Variants in ANO1 observed in about 807,000 individuals in gnomAD.
ANO1 encodes anoctamin 1.
Under a neutral mutation model 124.0 loss-of-function variants are expected in ANO1, and 59 were observed. The ratio of observed to expected loss-of-function variants is 0.48; its 90% CI spans 0.39 to 0.59. The LOEUF is 0.59. Ranked by LOEUF, ANO1 falls within the 20% of genes least tolerant of loss-of-function variation. ANO1 has a pLI of 0.00. For missense variants in ANO1, 1,059 were observed against 1,328.0 expected, an observed-to-expected ratio of 0.80 and a Z score of 3.15; for synonymous variants, 529 against 532.0, an observed-to-expected ratio of 0.99 and a Z score of 0.08.
At chr11:70,179,660 T>C (rs954370571) in intron 22 of ANO1, among the ~76,000 whole-genome samples, 23 of 152,206 alleles carry the variant, frequency 1.5e-4, no homozygotes, top group Admixed American at 1.3e-4. Context: ...TGCACCCCAA[T>C]TGAATCTTGG....
chr11:70,084,193 C>T (rs1429851537), intron 1 of ANO1, among the ~76,000 whole-genome samples: 1 of 152,164 alleles, frequency 6.6e-6, no homozygotes, highest in South Asian at 2.1e-4. Flanking sequence ...ACCCTGCATT[C>T]ACCTGCTGGG....
intron 1 of ANO1, among the ~76,000 whole-genome samples, chr11:70,020,189 A>G (rs1328778528): frequency 6.6e-6 from 1 of 152,158 alleles, no homozygotes; most frequent in Non-Finnish European, 1.5e-5. Flanking sequence ...AAAACATCCA[A>G]ATTGGACCCC....
intron 1 of ANO1, among the ~76,000 whole-genome samples, chr11:70,027,719 C>T (rs141587560): frequency 8.5e-5 from 13 of 152,296 alleles, no homozygotes; most frequent in Non-Finnish European, 1.5e-4. Flanking sequence ...GTTGTGGCCA[C>T]GTGTGCCAGG....
intron 1 of ANO1, among the ~76,000 whole-genome samples, chr11:70,031,409 C>G (rs529789003): frequency 3.3e-5 from 5 of 152,196 alleles, no homozygotes; most frequent in Non-Finnish European, 7.3e-5. Context: ...TGACTGCAGT[C>G]CCTCTGGTGT....
chr11:70,070,162 C>T (rs188951095), intron 1 of ANO1, among the ~76,000 whole-genome samples: 1 of 151,958 alleles, frequency 6.6e-6, no homozygotes, highest in Non-Finnish European at 1.5e-5. Flanking sequence ...ATAGCTGGTT[C>T]AATTCTGTGC....
At chr11:70,187,117 AC>A (rs2135871376) in intron 25 of ANO1, among the ~76,000 whole-genome samples, 1 of 152,136 alleles carries the variant, frequency 6.6e-6, no homozygotes, top group Admixed American at 6.5e-5. Context: ...TGAGCAGCCA[AC>A]CCCAGCCCCA....
intron 16 of ANO1, among the ~76,000 whole-genome samples, chr11:70,158,988 C>A (rs2047937794): frequency 6.6e-6 from 1 of 152,112 alleles, no homozygotes; most frequent in African/African-American, 2.4e-5. Flanking sequence ...ATCCCTCACC[C>A]AGGGGAGGCT....
At chr11:69,978,509 C>T in the ANO1 span, among the ~76,000 whole-genome samples, 702 of 152,286 alleles carry the variant, frequency 4.6e-3, 18 homozygotes, top group East Asian at 0.048. Flanking sequence ...CGCCAACACA[C>T]CCAGCTAATT....
intron 1 of ANO1, chr11:70,064,318 C>A (rs1345976636): frequency 2.6e-5 from 4 of 152,292 alleles, no homozygotes; most frequent in Admixed American, 6.5e-5. Context: ...TTCTCTGACC[C>A]CAGCCACACA....
intron 11 of ANO1, among the ~76,000 whole-genome samples, chr11:70,145,958 A>G (rs922389524): frequency 6.4e-4 from 96 of 151,174 alleles, no homozygotes; most frequent in African/African-American, 2.2e-3. Flanking sequence ...AAAAAAAAAA[A>G]AAAAAAAGAA....
chr11:69,966,353 C>T, the ANO1 span, among the ~76,000 whole-genome samples: 110 of 152,282 alleles, frequency 7.2e-4, 1 homozygote, highest in African/African-American at 2.4e-3. Context: ...GAAGTGTCTA[C>T]GGGGTAATGA....
intron 5 of ANO1, among the ~76,000 whole-genome samples, chr11:70,107,180 C>T (rs868485924): frequency 6.6e-6 from 1 of 152,024 alleles, no homozygotes; most frequent in Non-Finnish European, 1.5e-5. Context: ...GCCTAGTGGG[C>T]GATTCCTTCC....
chr11:69,972,632 T>C, the ANO1 span, among the ~76,000 whole-genome samples: 2 of 152,254 alleles, frequency 1.3e-5, no homozygotes, highest in Non-Finnish European at 2.9e-5. Flanking sequence ...AAGACGGTCC[T>C]GTGTAAAGAC....
At chr11:70,023,109 A>G (rs2135004117) in intron 1 of ANO1, among the ~76,000 whole-genome samples, 1 of 152,324 alleles carries the variant, frequency 6.6e-6, no homozygotes, top group South Asian at 2.1e-4. Flanking sequence ...GCCCAGTGAG[A>G]TCCATGCCGG....
At chr11:69,971,163 G>C in the ANO1 span, among the ~76,000 whole-genome samples, 3 of 152,084 alleles carry the variant, frequency 2.0e-5, no homozygotes, top group Non-Finnish European at 2.9e-5. Flanking sequence ...CCCTGTGCTG[G>C]GGGGGCACCA....
intron 1 of ANO1, among the ~76,000 whole-genome samples, chr11:70,021,600 G>A (rs1856811128): frequency 6.6e-6 from 1 of 152,060 alleles, no homozygotes; most frequent in African/African-American, 2.4e-5. Context: ...ATTTAAAGCG[G>A]CCTCATTATT....
At chr11:70,006,495 C>G (rs118074466) in intron 1 of ANO1, among the ~76,000 whole-genome samples, 1 of 152,100 alleles carries the variant, frequency 6.6e-6, no homozygotes, top group Non-Finnish European at 1.5e-5. Flanking sequence ...CACACAGACC[C>G]TGGCCTACAA....
chr11:70,049,939 T>C (rs1317596700), intron 1 of ANO1, among the ~76,000 whole-genome samples: 1 of 152,212 alleles, frequency 6.6e-6, no homozygotes, highest in Non-Finnish European at 1.5e-5. Flanking sequence ...CAGGCTGGTT[T>C]AGAACTCCTG....
At chr11:70,054,275 C>T (rs1438634224) in intron 1 of ANO1, among the ~76,000 whole-genome samples, 3 of 152,202 alleles carry the variant, frequency 2.0e-5, no homozygotes, top group African/African-American at 7.2e-5. Flanking sequence ...CCAGCCTGCT[C>T]CCAGAGCCTG....
Sources: gnomAD v4.1 joint callset for allele counts (sites outside exome capture counted in the v4.1 genomes callset) on GRCh38, gnomAD v4.1.1 for gene constraint, MANE v1.5 for transcripts, NCBI Gene and HGNC (gene_info 2026-07-23, HGNC 2026-07-21) for gene names.